SLC1A2: variants seen among roughly 807,000 people sequenced by gnomAD.
SLC1A2 encodes excitatory amino acid transporter 2.
SLC1A2 carries 15 observed loss-of-function variants against 48.8 expected under a neutral mutation model. The ratio of observed to expected loss-of-function variants is 0.31; its 90% CI spans 0.21 to 0.47. The LOEUF (loss-of-function observed/expected upper bound fraction) is 0.47. Ranked by LOEUF, SLC1A2 falls within the 20% of genes least tolerant of loss-of-function variation. The pLI is 0.99. For synonymous variants in SLC1A2, 279 were observed against 272.6 expected (o/e 1.02, Z -0.23); for missense variants, 502 against 730.5 (o/e 0.69, Z 3.61).
rs559938339 is a variant in SLC1A2, at chr11:35,405,322, A to G, written c.17+13628T>C. 4.6e-5 allele frequency among the ~76,000 whole-genome samples: 7 copies of G among 152,316 alleles called. No homozygotes were observed. In the South Asian group the frequency reaches 1.0e-3, roughly 23 times the overall value. On this transcript the variant is annotated intron_variant, in intron 1 of 10. Coordinates refer to ENST00000278379, the MANE Select transcript of SLC1A2 (RefSeq NM_004171.4). ...AACTCTATTGAGACTGATTAAACAT[A>G]CTAAGTGTCTCTTTAATAGTTAAAA...
At chr11:35,302,185 C>T (rs181460539) in intron 5 of SLC1A2, among the ~76,000 whole-genome samples, 4 of 152,142 alleles carry the variant, frequency 2.6e-5, no homozygotes, top group African/African-American at 9.6e-5. Context: ...TTTATTACTA[C>T]ACACATAAAA....
intron 6 of SLC1A2, among the ~76,000 whole-genome samples, chr11:35,301,058 A>C (rs895772406): frequency 6.6e-6 from 1 of 152,150 alleles, no homozygotes; most frequent in Non-Finnish European, 1.5e-5. Context: ...TTCAAATAAA[A>C]ATAAATAAAT....
intron 1 of SLC1A2, among the ~76,000 whole-genome samples, chr11:35,336,916 T>G (rs115645400): frequency 0.025 from 3,880 of 152,232 alleles, 152 homozygotes; most frequent in African/African-American, 0.088. Flanking sequence ...TCCCAAATTT[T>G]CCATTCAGTG....
chr11:35,255,490 G>C lies in SLC1A2; in HGVS notation c.*5404C>G, dbSNP rs1327635618. The C allele has an allele frequency of 6.6e-6, 1 of 152,234 alleles. No homozygotes were observed. Among genetic ancestry groups the C allele is most frequent in the East Asian group, 1.9e-4 (1 of 5,204 alleles). 9.4% of individuals were successfully genotyped at this position (152,234 alleles called of 1,614,324 possible). ...AATGGGTGTGCATGTCTACATACTG[G>C]CGGAGAAGAAAAGATATTTACAAAC... On this transcript the variant is annotated 3_prime_UTR_variant, in exon 11 of 11. Coordinates refer to ENST00000278379, the MANE Select transcript of SLC1A2 (RefSeq NM_004171.4).
At chr11:35,377,563 A>G (rs911561) in intron 1 of SLC1A2, among the ~76,000 whole-genome samples, 78,352 of 152,008 alleles carry the variant, frequency 0.52, 20,501 homozygotes, top group East Asian at 0.72. Context: ...CTAAGTGGCT[A>G]TGTCAGAACT....
intron 10 of SLC1A2, among the ~76,000 whole-genome samples, chr11:35,263,717 C>T (rs1950433664): frequency 6.6e-6 from 1 of 151,962 alleles, no homozygotes; most frequent in Non-Finnish European, 1.5e-5. Context: ...ATAATTTTTC[C>T]TCATATGGCA....
chr11:35,413,383 T>A (rs1259842486), intron 1 of SLC1A2, among the ~76,000 whole-genome samples: 1 of 152,230 alleles, frequency 6.6e-6, no homozygotes, highest in African/African-American at 2.4e-5. Context: ...TGTGCCTCAG[T>A]TTCTATACCT....
At chr11:35,266,978 A>C (rs1950495411) in intron 9 of SLC1A2, among the ~76,000 whole-genome samples, 1 of 152,206 alleles carries the variant, frequency 6.6e-6, no homozygotes, top group South Asian at 2.1e-4. Flanking sequence ...TGGTCTTTCT[A>C]ATTTCAACTA....
intron 1 of SLC1A2, chr11:35,374,208 C>T: frequency 1.8e-6 from 1 of 547,716 alleles, no homozygotes; most frequent in East Asian, 5.2e-5. Flanking sequence ...CGCTCTGTGA[C>T]TTGCTGGCTT....
chr11:35,391,417 C>T (rs1407764643), intron 1 of SLC1A2: 1 of 152,222 alleles, frequency 6.6e-6, no homozygotes, highest in Non-Finnish European at 1.5e-5. Flanking sequence ...TGCCTGAGGC[C>T]ACCCACCTGG....
At chr11:35,348,789 A>G (rs753510614) in intron 1 of SLC1A2, among the ~76,000 whole-genome samples, 9 of 148,412 alleles carry the variant, frequency 6.1e-5, no homozygotes, top group Admixed American at 2.1e-4. Context: ...GCTACTCGGG[A>G]GGCTGAGGTG....
intron 8 of SLC1A2, among the ~76,000 whole-genome samples, chr11:35,283,594 A>G (rs1850710532): frequency 6.6e-6 from 1 of 152,188 alleles, no homozygotes; most frequent in African/African-American, 2.4e-5. Flanking sequence ...TCACTGGTCC[A>G]TTCTCCCATC....
intron 6 of SLC1A2, among the ~76,000 whole-genome samples, chr11:35,295,185 C>G (rs1025085187): frequency 5.3e-5 from 8 of 152,018 alleles, no homozygotes; most frequent in African/African-American, 1.9e-4. Context: ...GTAGCTAAGA[C>G]TACAGGTGTT....
At chr11:35,283,524 T>C (rs1850708286) in intron 8 of SLC1A2, among the ~76,000 whole-genome samples, 1 of 152,160 alleles carries the variant, frequency 6.6e-6, no homozygotes, top group African/African-American at 2.4e-5. Context: ...GTAGTATCAG[T>C]TAATATAAAA....
At chr11:35,319,458 A>C (rs1420180508) in intron 1 of SLC1A2, among the ~76,000 whole-genome samples, 2 of 152,188 alleles carry the variant, frequency 1.3e-5, no homozygotes, top group African/African-American at 4.8e-5. Context: ...AAAACTCTCC[A>C]GTCCCCTTGA....
chr11:35,269,200 C>G lies in SLC1A2; in HGVS notation c.1422-3442G>C, dbSNP rs1050755610. 4.6e-5 allele frequency among the ~76,000 whole-genome samples: 7 copies of G among 152,108 alleles called. No homozygotes were observed. In the South Asian group the frequency reaches 1.4e-3, roughly 31 times the overall value. On this transcript the variant is annotated intron_variant, in intron 9 of 10. Coordinates refer to ENST00000278379, the MANE Select transcript of SLC1A2 (RefSeq NM_004171.4). The stretch of plus-strand genomic sequence containing the variant: ...GATAGCTGTCTATGAGGAAGCAGGC[C>G]CTCACCAGACACAGAATCTCCCAGT...
chr11:35,322,483 G>A (rs1852105725), intron 1 of SLC1A2: 2 of 842,334 alleles, frequency 2.4e-6, no homozygotes, highest in Non-Finnish European at 3.8e-6. Flanking sequence ...GGTGGCAACA[G>A]AACACTCCCC....
At chr11:35,360,075 G>T in intron 1 of SLC1A2, 2 of 985,256 alleles carry the variant, frequency 2.0e-6, no homozygotes, top group Non-Finnish European at 1.2e-6. Flanking sequence ...GAACGTGCTG[G>T]TCACGTAGTG....
intron 1 of SLC1A2, among the ~76,000 whole-genome samples, chr11:35,361,794 TG>T (rs1247001531): frequency 2.0e-5 from 3 of 152,084 alleles, no homozygotes; most frequent in African/African-American, 7.2e-5. Context: ...CTGGACAACA[TG>T]GCAAAACCAA....
Sources: allele counts gnomAD v4.1 joint callset (sites outside exome capture counted in the v4.1 genomes callset), GRCh38; gene constraint gnomAD v4.1.1; transcripts MANE v1.5; gene names NCBI Gene and HGNC (gene_info 2026-07-23, HGNC 2026-07-21).